Variants in ADAMTS6 observed in about 807,000 individuals in gnomAD.
ADAMTS6 encodes the protein A disintegrin and metalloproteinase with thrombospondin motifs 6.
ADAMTS6 carries 23 observed loss-of-function variants against 144.3 expected under a neutral mutation model. That is an observed-to-expected ratio of 0.16 (90% CI 0.11 to 0.23). ADAMTS6 has a LOEUF of 0.23. ADAMTS6 is among the 10% of genes least tolerant of loss of function. The probability of loss-of-function intolerance (pLI) is 1.00; values close to 1 mark genes in which losing one functional copy is unlikely to be tolerated. For missense variants in ADAMTS6, 999 were observed against 1,379.6 expected, an observed-to-expected ratio of 0.72 and a Z score of 4.37; for synonymous variants, 444 against 457.5, an observed-to-expected ratio of 0.97 and a Z score of 0.38.
intron 12 of ADAMTS6, among the ~76,000 whole-genome samples, chr5:65,272,985 G>T (rs994049763): frequency 6.6e-6 from 1 of 151,294 alleles, no homozygotes; most frequent in Non-Finnish European, 1.5e-5. Context: ...CTACTTCTGG[G>T]TTGCATAATT....
chr5:65,247,195 TC>T (rs766210112), intron 14 of ADAMTS6, among the ~76,000 whole-genome samples: 5 of 152,164 alleles, frequency 3.3e-5, no homozygotes, highest in Non-Finnish European at 5.9e-5. Context: ...CATCTTTAGA[TC>T]TTAGTATTTT....
intron 14 of ADAMTS6, among the ~76,000 whole-genome samples, chr5:65,245,126 C>T (rs1759516626): frequency 6.6e-6 from 1 of 152,140 alleles, no homozygotes; most frequent in Admixed American, 6.6e-5. Flanking sequence ...AGCTCTGTAC[C>T]TGGCCTAAGG....
At chr5:65,435,784 G>C (rs139327561) in intron 7 of ADAMTS6, among the ~76,000 whole-genome samples, 9 of 151,512 alleles carry the variant, frequency 5.9e-5, no homozygotes, top group African/African-American at 2.2e-4. Context: ...TGCCATCACC[G>C]TACACTAATT....
intron 7 of ADAMTS6, among the ~76,000 whole-genome samples, chr5:65,382,334 T>C (rs1235275077): frequency 6.6e-6 from 1 of 152,186 alleles, no homozygotes; most frequent in African/African-American, 2.4e-5. Flanking sequence ...CTTGGCCATA[T>C]AAGAAGTCTC....
intron 20 of ADAMTS6, among the ~76,000 whole-genome samples, chr5:65,208,629 T>C (rs1756284536): frequency 1.3e-5 from 2 of 152,180 alleles, no homozygotes; most frequent in Non-Finnish European, 2.9e-5. Flanking sequence ...ATTCTACCTA[T>C]AAATTATGAC....
At chr5:65,328,365 A>T (rs577074293) in intron 9 of ADAMTS6, among the ~76,000 whole-genome samples, 1 of 152,250 alleles carries the variant, frequency 6.6e-6, no homozygotes, top group Admixed American at 6.5e-5. Flanking sequence ...AAAAAAGCAG[A>T]ATATAAAACT....
chr5:65,181,718 G>T (rs898289317), intron 22 of ADAMTS6, among the ~76,000 whole-genome samples: 1 of 152,160 alleles, frequency 6.6e-6, no homozygotes, highest in Non-Finnish European at 1.5e-5. Flanking sequence ...ATGAATTATT[G>T]TAAGAATAAG....
intron 7 of ADAMTS6, among the ~76,000 whole-genome samples, chr5:65,391,887 C>T (rs1752952615): frequency 6.6e-6 from 1 of 152,028 alleles, no homozygotes; most frequent in Non-Finnish European, 1.5e-5. Context: ...AGGCACCCAC[C>T]ACCACACCAA....
At chr5:65,322,759 T>A (rs1269398524) in intron 9 of ADAMTS6, among the ~76,000 whole-genome samples, 1 of 152,178 alleles carries the variant, frequency 6.6e-6, no homozygotes, top group Non-Finnish European at 1.5e-5. Context: ...AAGTTGTTTA[T>A]CAGCTTAAGA....
intron 21 of ADAMTS6, among the ~76,000 whole-genome samples, chr5:65,196,628 A>G (rs1442648759): frequency 6.6e-6 from 1 of 151,350 alleles, no homozygotes; most frequent in Non-Finnish European, 1.5e-5. Flanking sequence ...TATTACATCT[A>G]AGACTTTTTT....
rs1002304236 is a variant in ADAMTS6 at position 65,162,603 on chromosome 5, A to G, written c.3244+8014T>C. Among the ~76,000 whole-genome samples, 3 of 145,050 alleles carry G rather than the reference A, an allele frequency of 2.1e-5. No individual in the cohort carries two copies. In the East Asian group the frequency reaches 6.2e-4, roughly 30 times the overall value. On this transcript the variant is annotated intron_variant, in intron 24 of 24. Coordinates refer to ENST00000381055, the MANE Select transcript of ADAMTS6 (RefSeq NM_197941.4). ...TACCAACTCTTAGAAGCTTGTTGTC[A>G]GGATTATATAAGATACTACACACAC...
rs112771142 is a variant in ADAMTS6, at chr5:65,391,740, CT to C, written c.1074-57656del. Among the ~76,000 whole-genome samples, 956 of 144,068 alleles carry C rather than the reference CT, an allele frequency of 6.6e-3. 8 individuals carry two copies. The highest frequency in any genetic ancestry group is 0.018 in the African/African-American group (717 of 39,566). The allele number at this position is 144,068 out of a possible 152,430, so 94.5% of individuals were successfully genotyped here. On this transcript the variant is annotated intron_variant, in intron 7 of 24. Coordinates refer to ENST00000381055, the MANE Select transcript of ADAMTS6 (RefSeq NM_197941.4). The stretch of plus-strand genomic sequence containing the variant: ...GCCTCTTTGTCTTTTACAACATTAA[CT>C]TTTTTTTTTTTTTGAGACAGAGTCT...
intron 7 of ADAMTS6, among the ~76,000 whole-genome samples, chr5:65,344,529 T>C (rs944006939): frequency 2.6e-5 from 4 of 151,918 alleles, no homozygotes; most frequent in Non-Finnish European, 4.4e-5. Context: ...CGTATGGATG[T>C]AGAAAAGTGT....
chr5:65,403,490 T>C (rs1473913741), intron 7 of ADAMTS6, among the ~76,000 whole-genome samples: 1 of 152,106 alleles, frequency 6.6e-6, no homozygotes, highest in East Asian at 1.9e-4. Flanking sequence ...AACCTGTTCC[T>C]CCAGCATGTT....
chr5:65,415,014 G>A lies in ADAMTS6; in HGVS notation c.1073+36461C>T, dbSNP rs549253181. 3.9e-5 allele frequency among the ~76,000 whole-genome samples: 6 copies of A among 152,172 alleles called. No individual in the cohort carries two copies. The East Asian group carries it at 5.8e-4, about 15-fold the overall frequency. ...ATTCATTGAAAATAAAACCTTTCAC[G>A]CTTCAAAACACACTATCAACAAAGT... is the stretch of plus-strand genomic sequence containing the variant. On this transcript the variant is annotated intron_variant, in intron 7 of 24. Transcript: ENST00000381055.
At chr5:65,225,198 T>C (rs1757639687) in intron 16 of ADAMTS6, 151 bp from the exon 17 acceptor site, 1 of 960,250 alleles carries the variant, frequency 1.0e-6, no homozygotes, top group African/African-American at 1.7e-5. Context: ...CTTGGGTCTT[T>C]GTTATTTGAA....
intron 21 of ADAMTS6, among the ~76,000 whole-genome samples, chr5:65,195,057 C>T (rs1755247186): frequency 6.6e-6 from 1 of 152,112 alleles, no homozygotes; most frequent in Admixed American, 6.5e-5. Context: ...ACTCAGATGC[C>T]TTCACAGGCT....
rs1406211640 is a variant in ADAMTS6 at position 65,242,127 on chromosome 5, T to C, written c.1910A>G (p.Tyr637Cys). The change falls in exon 15 of 25, where the codon TAT becomes TGT. Residue 637 changes from tyrosine (Y) to cysteine (C), a missense_variant. Physicochemically the swap from Tyr to Cys is radical, Grantham distance 194. This residue lies in a region of ADAMTS6 where 619 missense variants were observed against 837.0 expected (regional missense o/e 0.74). Coordinates refer to ENST00000381055, the MANE Select transcript of ADAMTS6 (RefSeq NM_197941.4). ...FDNMPFRGKY[Y>C]NWKPYTGGGV... ...ACCTCCAGTATAGGGTTTCCAGTTA[T>C]AATACTTTCCTCGGAAAGGCATATT... is the stretch of plus-strand genomic sequence containing the variant. The C allele has an allele frequency of 6.2e-7, 1 of 1,602,298 alleles. No individual in the cohort carries two copies. The highest frequency in any genetic ancestry group is 2.2e-5 in the East Asian group (1 of 44,688).
In ADAMTS6 at chr5:65,246,421, A is replaced by G. The variant is rs577750023; in HGVS notation, c.1831-4215T>C. Among the ~76,000 whole-genome samples, 3 of 152,304 alleles carry G rather than the reference A, an allele frequency of 2.0e-5. No individual in the cohort carries two copies. In the South Asian group the frequency reaches 6.2e-4, roughly 32 times the overall value. On this transcript the variant is annotated intron_variant, in intron 14 of 24. Transcript: ENST00000381055. ...ATAATCTAGGCTGCAGGGTTACAGA[A>G]AAACAAAACCCAAATAGATTAGAGT...
Sources: gnomAD v4.1 joint callset for allele counts (sites outside exome capture counted in the v4.1 genomes callset) on GRCh38, gnomAD v4.1.1 for gene constraint, gnomAD v4.1.1 regional missense constraint, MANE v1.5 for transcripts, NCBI Gene and HGNC (gene_info 2026-07-23, HGNC 2026-07-21) for gene names.